The following HDAC9 variants were observed in gnomAD, a reference collection of about 807,000 sequenced individuals.
HDAC9 encodes the protein MEF-2 interacting transcription repressor (MITR) protein.
HDAC9 carries 41 observed loss-of-function variants against 139.4 expected under a neutral mutation model. That is an observed-to-expected ratio of 0.29 (90% CI 0.23 to 0.38). The LOEUF (loss-of-function observed/expected upper bound fraction) is 0.38. HDAC9 is among the 10% of genes least tolerant of loss of function. HDAC9 has a pLI of 1.00. For synonymous variants in HDAC9, 517 were observed against 476.2 expected, an observed-to-expected ratio of 1.09 and a Z score of -1.12; for missense variants, 1,147 against 1,297.0, an observed-to-expected ratio of 0.88 and a Z score of 1.78.
At chr7:18,307,139 G>GTGTGTT (rs988957473) in intron 1 of HDAC9, among the ~76,000 whole-genome samples, 2 of 109,402 alleles carry the variant, frequency 1.8e-5, no homozygotes, top group African/African-American at 1.1e-4. Flanking sequence ...GTGTGTGTGT[G>GTGTGTT]TGTGTTTGTA....
intron 6 of HDAC9, among the ~76,000 whole-genome samples, chr7:18,606,667 T>G (rs895289132): frequency 6.6e-6 from 1 of 152,196 alleles, no homozygotes; most frequent in Non-Finnish European, 1.5e-5. Context: ...TTTTAGCTTC[T>G]TTTCAAAATA....
At chr7:18,091,601 C>G (rs1782151518) in intron 1 of HDAC9, among the ~76,000 whole-genome samples, 1 of 152,192 alleles carries the variant, frequency 6.6e-6, no homozygotes, top group African/African-American at 2.4e-5. Context: ...CTGTGTAACA[C>G]ATTTCCACAA....
intron 17 of HDAC9, among the ~76,000 whole-genome samples, chr7:18,818,823 A>G (rs1196421355): frequency 6.6e-6 from 1 of 152,174 alleles, no homozygotes; most frequent in Non-Finnish European, 1.5e-5. Flanking sequence ...TCCAAATACT[A>G]TTTGGCTATG....
intron 2 of HDAC9, among the ~76,000 whole-genome samples, chr7:18,255,731 C>T (rs548549027): frequency 1.2e-4 from 18 of 147,102 alleles, no homozygotes; most frequent in South Asian, 4.3e-4. Context: ...AGGTTTCAAG[C>T]AACTCTCCTG....
chr7:18,564,539 T>G (rs964803410), intron 2 of HDAC9, among the ~76,000 whole-genome samples: 1 of 152,200 alleles, frequency 6.6e-6, no homozygotes, highest in Admixed American at 6.5e-5. Context: ...GAAAAATAAG[T>G]GCGCAATTCT....
chr7:18,226,330 C>T (rs1319594586), intron 2 of HDAC9, among the ~76,000 whole-genome samples: 2 of 152,114 alleles, frequency 1.3e-5, no homozygotes, highest in Non-Finnish European at 2.9e-5. Flanking sequence ...CTGCAGGCTC[C>T]CCTGCAGGGA....
intron 2 of HDAC9, among the ~76,000 whole-genome samples, chr7:18,206,802 C>T (rs1791542267): frequency 6.6e-6 from 1 of 152,050 alleles, no homozygotes; most frequent in African/African-American, 2.4e-5. Context: ...ATCCCAGTTC[C>T]AAGCCTTTCA....
At chr7:18,419,722 G>A (rs1270684012) in intron 1 of HDAC9, among the ~76,000 whole-genome samples, 1 of 152,060 alleles carries the variant, frequency 6.6e-6, no homozygotes, top group Admixed American at 6.5e-5. Context: ...CCAGAAGTGT[G>A]ACCCATTTTT....
intron 1 of HDAC9, among the ~76,000 whole-genome samples, chr7:18,338,741 T>A (rs1343588883): frequency 6.6e-6 from 1 of 151,514 alleles, no homozygotes; most frequent in Middle Eastern, 3.2e-3. Flanking sequence ...AATGTGTCCC[T>A]CAGATTTTGG....
At chr7:18,667,373 A>T in intron 12 of HDAC9, 1 of 981,932 alleles carries the variant, frequency 1.0e-6, no homozygotes, top group Non-Finnish European at 1.2e-6. Flanking sequence ...AAGAAGGTGT[A>T]TCATATTTTA....
At chr7:18,819,265 G>A (rs1794789905) in intron 17 of HDAC9, among the ~76,000 whole-genome samples, 1 of 152,154 alleles carries the variant, frequency 6.6e-6, no homozygotes, top group Non-Finnish European at 1.5e-5. Context: ...GGGTGACAGA[G>A]CGAGACTCCA....
chr7:18,539,026 C>T (rs1811837316), intron 2 of HDAC9, among the ~76,000 whole-genome samples: 1 of 152,070 alleles, frequency 6.6e-6, no homozygotes, highest in African/African-American at 2.4e-5. Flanking sequence ...CACCATGGGG[C>T]CTCTACCCTG....
At chr7:18,836,601 A>G (rs1342280799) in intron 21 of HDAC9, among the ~76,000 whole-genome samples, 1 of 152,190 alleles carries the variant, frequency 6.6e-6, no homozygotes, top group Non-Finnish European at 1.5e-5. Context: ...GTATTCACAT[A>G]GCATTCTGCT....
intron 2 of HDAC9, among the ~76,000 whole-genome samples, chr7:18,536,851 G>C (rs531259128): frequency 4.6e-5 from 7 of 152,270 alleles, no homozygotes; most frequent in South Asian, 2.1e-4. Context: ...GTTAGTTATA[G>C]TTACTACTCT....
At chr7:18,945,013 T>C (rs765982522) in intron 23 of HDAC9, among the ~76,000 whole-genome samples, 1 of 152,210 alleles carries the variant, frequency 6.6e-6, no homozygotes, top group Non-Finnish European at 1.5e-5. Context: ...ATGGACATTT[T>C]ATATGTGTTT....
At chr7:18,151,209 G>A (rs1482173523) in intron 1 of HDAC9, among the ~76,000 whole-genome samples, 1 of 152,148 alleles carries the variant, frequency 6.6e-6, no homozygotes, top group African/African-American at 2.4e-5. Context: ...CAGTTTCAAA[G>A]GTGGCTTTCT....
At chr7:18,220,109 TTAACA>T (rs1792592689) in intron 2 of HDAC9, among the ~76,000 whole-genome samples, 1 of 152,216 alleles carries the variant, frequency 6.6e-6, no homozygotes, top group South Asian at 2.1e-4. Context: ...TGTACTATTC[TTAACA>T]TAAGTAGTTG....
rs574923301 is a variant in HDAC9 at position 19,002,380 on chromosome 7, C to T, written c.*6318C>T. ...GTTTTCTACTGAATTAGATTTTCCT[C>T]TAGTCCTATGTGAATAAAAAGCTAT... On this transcript the variant is annotated 3_prime_UTR_variant, in exon 26 of 26. Coordinates refer to ENST00000686413, the MANE Select transcript of HDAC9 (RefSeq NM_178425.4). 7 of 152,148 alleles carry T rather than the reference C, an allele frequency of 4.6e-5. No individual in the cohort carries two copies. The East Asian group carries it at 1.4e-3, about 29-fold the overall frequency. 9.4% of individuals were successfully genotyped at this position (152,148 alleles called of 1,614,324 possible).
intron 21 of HDAC9, among the ~76,000 whole-genome samples, chr7:18,846,758 G>T (rs1377274806): frequency 6.6e-6 from 1 of 152,126 alleles, no homozygotes; most frequent in African/African-American, 2.4e-5. Context: ...AGGCAGGGGG[G>T]CAACGGTGTT....
Sources: gnomAD v4.1 joint callset for allele counts (sites outside exome capture counted in the v4.1 genomes callset) on GRCh38, gnomAD v4.1.1 for gene constraint, MANE v1.5 for transcripts, NCBI Gene and HGNC (gene_info 2026-07-23, HGNC 2026-07-21) for gene names.